Variants in DUSP10 observed in about 807,000 individuals in gnomAD.
DUSP10 encodes the protein dual specificity protein phosphatase 10.
Under a neutral mutation model 30.8 loss-of-function variants are expected in DUSP10, and 14 were observed. The observed-to-expected ratio is 0.46, with a 90% CI of 0.30 to 0.71. DUSP10 has a LOEUF of 0.71. Ranked by LOEUF, DUSP10 falls within the 30% of genes least tolerant of loss-of-function variation. The probability of loss-of-function intolerance (pLI) is 0.08; values close to 1 mark genes in which losing one functional copy is unlikely to be tolerated. For missense variants in DUSP10, 550 were observed against 619.4 expected (o/e 0.89, Z 1.19); for synonymous variants, 254 against 250.4 (o/e 1.01, Z -0.14).
intron 2 of DUSP10, among the ~76,000 whole-genome samples, chr1:221,731,228 C>A (rs1558125279): frequency 6.6e-6 from 1 of 152,168 alleles, no homozygotes; most frequent in Admixed American, 6.5e-5. Context: ...TTTCATCCCA[C>A]CCCTGTCCCT....
intron 2 of DUSP10, among the ~76,000 whole-genome samples, chr1:221,731,561 T>C (rs187204024): frequency 1.4e-3 from 208 of 151,960 alleles, no homozygotes; most frequent in African/African-American, 4.4e-3. Context: ...AAAGAAATCC[T>C]ATTGGCCCAT....
At position 221,739,778 on chromosome 1, in the gene DUSP10, T is replaced by G; in HGVS notation, c.-34A>C. 2 of 1,534,814 alleles carry G rather than the reference T, an allele frequency of 1.3e-6. No homozygotes were observed. Among genetic ancestry groups the G allele is most frequent in the Admixed American group, 2.1e-5 (1 of 48,612 alleles). On this transcript the variant is annotated 5_prime_UTR_variant, in exon 2 of 4. It removes the in-frame stop codon of an upstream open reading frame in the 5' UTR. Transcript: ENST00000366899. ...TGAAAACTGGCAATTCAAGAAGAAC[T>G]CAAGACAGTCTGTAAAGAAGGGGAA...
At chr1:221,718,304 G>A (rs1195017433) in intron 2 of DUSP10, among the ~76,000 whole-genome samples, 5 of 152,132 alleles carry the variant, frequency 3.3e-5, no homozygotes, top group African/African-American at 1.2e-4. Context: ...ACTGGCACAT[G>A]ACCTCCATGT....
At chr1:221,729,193 A>G (rs561026903) in intron 2 of DUSP10, among the ~76,000 whole-genome samples, 29 of 152,244 alleles carry the variant, frequency 1.9e-4, no homozygotes, top group Non-Finnish European at 3.8e-4. Context: ...AAAAACTGTC[A>G]TGACCAAAAT....
chr1:221,717,614 CACA>C, intron 2 of DUSP10, among the ~76,000 whole-genome samples: 1 of 152,194 alleles, frequency 6.6e-6, no homozygotes, highest in South Asian at 2.1e-4. Flanking sequence ...TATTCAAACA[CACA>C]CACAAATTCG....
intron 2 of DUSP10, among the ~76,000 whole-genome samples, chr1:221,720,424 T>C (rs10863649): frequency 0.43 from 65,634 of 152,112 alleles, 14,564 homozygotes; most frequent in South Asian, 0.55. Flanking sequence ...TGACTGTCCA[T>C]CTATATTCTT....
In DUSP10 at chr1:221,739,566, T is replaced by C; in HGVS notation, c.179A>G (p.Tyr60Cys). Residue 60 changes from tyrosine to cysteine, a missense_variant, in exon 2 of 4, where the codon TAT (tyrosine) becomes TGT (cysteine). Coordinates refer to ENST00000366899, the MANE Select transcript of DUSP10 (RefSeq NM_007207.6). The stretch of plus-strand genomic sequence containing the variant: ...GGCAGAGCCGCTGGATGAGGGCATA[T>C]ACGTCAGATTCGCAGCCTTGAGGGA... ...VVSLKAANLT[Y>C]MPSSSGSARS... The C allele has an allele frequency of 6.2e-7, 1 of 1,614,168 alleles. No individual in the cohort carries two copies. The highest frequency in any genetic ancestry group is 8.5e-7 in the Non-Finnish European group (1 of 1,180,026).
rs924955080 is a variant in DUSP10 at position 221,706,915 on chromosome 1, T to C, written c.812-449A>G. On this transcript the variant is annotated intron_variant, in intron 2 of 3. Transcript: ENST00000366899. This position sits in a 1 kb window ranked among gnomAD's most constrained non-coding sequence, Gnocchi z 4.6. ...ACAGGAGCATGTCTTGCACCCTTCA[T>C]AGCTCACCTCACCCAGAGGGACAAG... Among the ~76,000 whole-genome samples, 2 of 152,184 alleles carry C rather than the reference T, an allele frequency of 1.3e-5. No individual in the cohort carries two copies. The highest frequency in any genetic ancestry group is 2.9e-5 in the Non-Finnish European group (2 of 68,028).
At position 221,739,550 on chromosome 1, in the gene DUSP10, G is replaced by T; in HGVS notation, c.195C>A (p.Ser65Arg). The T allele has an allele frequency of 1.2e-6, 2 of 1,614,188 alleles. No homozygotes were observed. The highest frequency in any genetic ancestry group is 1.7e-6 in the Non-Finnish European group (2 of 1,180,026). Residue 65 changes from serine (S) to arginine (R), a missense_variant, in exon 2 of 4, where the codon AGC becomes AGA. Transcript: ENST00000366899. ...CACAATTCAGCGAGCGGGCAGAGCC[G>T]CTGGATGAGGGCATATACGTCAGAT... ...AANLTYMPSSSGSARSLNCGC... is the reference protein window; with the variant it reads ...AANLTYMPSSRGSARSLNCGC...
chr1:221,739,286 A>C lies in DUSP10; in HGVS notation c.459T>G (p.Asn153Lys), dbSNP rs746551024. 1.2e-6 allele frequency: 2 copies of C among 1,613,998 alleles called. No homozygotes were observed. The highest frequency in any genetic ancestry group is 2.7e-5 in the African/African-American group (2 of 74,892). Reference protein sequence around the residue: ...QLASIKIIYPNDLAKKMTKCS... With the variant: ...QLASIKIIYPKDLAKKMTKCS... The stretch of plus-strand genomic sequence containing the variant: ...ATTTGGTCATCTTCTTTGCCAAGTC[A>C]TTGGGGTAGATTATTTTGATGCTGG... Residue 153 changes from asparagine to lysine, a missense_variant, in exon 2 of 4, where the codon AAT becomes AAG. Physicochemically the swap from Asn to Lys is moderately conservative, Grantham distance 94. Coordinates refer to ENST00000366899, the MANE Select transcript of DUSP10 (RefSeq NM_007207.6).
At chr1:221,733,366 G>A (rs1369544356) in intron 2 of DUSP10, among the ~76,000 whole-genome samples, 2 of 152,214 alleles carry the variant, frequency 1.3e-5, no homozygotes, top group Admixed American at 6.5e-5. Context: ...TACCTATTCA[G>A]TTTCCTTCCC....
chr1:221,736,877 G>T, intron 2 of DUSP10: 1 of 985,416 alleles, frequency 1.0e-6, no homozygotes, highest in Non-Finnish European at 1.2e-6. Flanking sequence ...GTCGACTGCC[G>T]CGGTGTCTCA....
chr1:221,715,994 C>CCTCCT (rs1344451178), intron 2 of DUSP10, among the ~76,000 whole-genome samples: 2 of 150,256 alleles, frequency 1.3e-5, no homozygotes, highest in African/African-American at 4.9e-5. Context: ...ATCCCTCCTC[C>CCTCCT]CTCCCCTCCC....
rs537413854 is a variant in DUSP10 at position 221,733,052 on chromosome 1, C to T, written c.811+5882G>A. The stretch of plus-strand genomic sequence containing the variant: ...CTTGGATTAAACTGCCTAAGCACTC[C>T]GATATATCACACATTCATGCCCAAA... On this transcript the variant is annotated intron_variant, in intron 2 of 3. Transcript: ENST00000366899. Among the ~76,000 whole-genome samples, 45 of 152,324 alleles carry T rather than the reference C, an allele frequency of 3.0e-4. 2 individuals carry two copies. In the South Asian group the frequency reaches 8.9e-3, roughly 30 times the overall value.
chr1:221,728,061 T>C (rs1240836787), intron 2 of DUSP10, among the ~76,000 whole-genome samples: 1 of 152,210 alleles, frequency 6.6e-6, no homozygotes, highest in East Asian at 1.9e-4. Context: ...GGGTGGGTCC[T>C]AATAAAAAGG....
chr1:221,716,252 C>T (rs1050986807), intron 2 of DUSP10, among the ~76,000 whole-genome samples: 2 of 152,168 alleles, frequency 1.3e-5, no homozygotes, highest in African/African-American at 4.8e-5. Context: ...CTCATCCCTG[C>T]CAGCCAAACA....
intron 2 of DUSP10, among the ~76,000 whole-genome samples, chr1:221,719,754 C>T (rs969633265): frequency 6.6e-6 from 1 of 152,126 alleles, no homozygotes; most frequent in African/African-American, 2.4e-5. Flanking sequence ...TAACAAAAGC[C>T]CTGACAGCAA....
chr1:221,728,977 T>C (rs902744744), intron 2 of DUSP10, among the ~76,000 whole-genome samples: 6 of 152,130 alleles, frequency 3.9e-5, no homozygotes, highest in African/African-American at 1.4e-4. Flanking sequence ...ATACCAGAGC[T>C]ACACCCAGGA....
At chr1:221,741,778 C>G (rs144447263) in intron 1 of DUSP10, among the ~76,000 whole-genome samples, 133 of 152,256 alleles carry the variant, frequency 8.7e-4, no homozygotes, top group African/African-American at 3.0e-3. Flanking sequence ...GTAGCAGGAG[C>G]CAACGGCCGG....
Sources: allele counts gnomAD v4.1 joint callset (sites outside exome capture counted in the v4.1 genomes callset), GRCh38; gene constraint gnomAD v4.1.1; non-coding constraint Gnocchi (gnomAD v3.1); transcripts MANE v1.5; gene names NCBI Gene and HGNC (gene_info 2026-07-23, HGNC 2026-07-21).